Variants in FAM219A observed in about 807,000 individuals in gnomAD.
The protein encoded by FAM219A is protein FAM219A.
In FAM219A, 7 loss-of-function variants were observed where a neutral mutation model predicts 23.4. That is an observed-to-expected ratio of 0.30 (90% confidence interval 0.17 to 0.56). The LOEUF (loss-of-function observed/expected upper bound fraction) is 0.56. FAM219A is among the 20% of genes least tolerant of loss of function. The pLI, the probability that FAM219A is intolerant of heterozygous loss-of-function variation, is 0.92. For missense variants in FAM219A, 166 were observed against 246.9 expected, an observed-to-expected ratio of 0.67 and a Z score of 2.20; for synonymous variants, 93 against 99.0, an observed-to-expected ratio of 0.94 and a Z score of 0.36.
chr9:34,441,533 T>C (rs1823173499), intron 1 of FAM219A, among the ~76,000 whole-genome samples: 1 of 151,994 alleles, frequency 6.6e-6, no homozygotes, highest in African/African-American at 2.4e-5. Context: ...TGGTACAGGA[T>C]AAGAGCAGTG....
At chr9:34,419,407 G>T (rs1320289948) in intron 1 of FAM219A, among the ~76,000 whole-genome samples, 1 of 152,160 alleles carries the variant, frequency 6.6e-6, no homozygotes, top group Non-Finnish European at 1.5e-5. Flanking sequence ...GGGCCCAGAG[G>T]ACAGGAAGAT....
At chr9:34,423,246 AT>A (rs1348107753) in intron 1 of FAM219A, among the ~76,000 whole-genome samples, 22 of 152,342 alleles carry the variant, frequency 1.4e-4, no homozygotes, top group African/African-American at 5.3e-4. Context: ...TTTTAATCAT[AT>A]GCTGAGTGCT....
chr9:34,441,019 C>A (rs1418117765), intron 1 of FAM219A, among the ~76,000 whole-genome samples: 1 of 152,052 alleles, frequency 6.6e-6, no homozygotes, highest in Non-Finnish European at 1.5e-5. Context: ...AGGCTTAATG[C>A]CACCACACCT....
chr9:34,418,378 A>T (rs1199870128), intron 1 of FAM219A, among the ~76,000 whole-genome samples: 1 of 152,194 alleles, frequency 6.6e-6, no homozygotes, highest in Admixed American at 6.5e-5. Context: ...GTCATAAAAA[A>T]TTCTTCATTT....
intron 1 of FAM219A, among the ~76,000 whole-genome samples, chr9:34,412,104 C>A (rs951671097): frequency 6.6e-6 from 1 of 152,008 alleles, no homozygotes; most frequent in African/African-American, 2.4e-5. Context: ...CAGGGAGTAA[C>A]ATGGTCAGAT....
intron 1 of FAM219A, among the ~76,000 whole-genome samples, chr9:34,409,043 A>C (rs897908601): frequency 2.0e-5 from 3 of 152,226 alleles, no homozygotes; most frequent in African/African-American, 7.2e-5. Flanking sequence ...CTTGAGGCCT[A>C]CTGGGCAGTT....
chr9:34,416,290 GGAAGGAAGGAAGGAAGGAAC>G (rs1433151037), intron 1 of FAM219A, among the ~76,000 whole-genome samples: 6 of 143,498 alleles, frequency 4.2e-5, no homozygotes, highest in African/African-American at 1.5e-4. Flanking sequence ...AAGGAAGGAA[GGAAGGAAGGAAGGAAGGAAC>G]GAAGGAAGGA....
intron 1 of FAM219A, chr9:34,406,473 C>T (rs932741275): frequency 2.0e-6 from 2 of 985,316 alleles, no homozygotes; most frequent in Non-Finnish European, 2.4e-6. Flanking sequence ...CCAAGCCACA[C>T]CAGCCTTCAA....
In FAM219A at chr9:34,457,445, C is replaced by G. The variant is rs1823785917; in HGVS notation, c.60+759G>C. The G allele has an allele frequency of 6.6e-6, 1 of 152,462 alleles. No individual in the cohort carries two copies. The highest frequency in any genetic ancestry group is 1.5e-5 in the Non-Finnish European group (1 of 68,142). The allele number at this position is 152,462 out of a possible 1,614,324, so 9.4% of individuals were successfully genotyped here. ...CGCGGACAGGCGGCAGGATCCGCGC[C>G]CAGCAAGGACTTCAGGCACGTAGGC... is the stretch of plus-strand genomic sequence containing the variant. On this transcript the variant is annotated intron_variant, in intron 1 of 5. Transcript: ENST00000651358. This position sits in a 1 kb window ranked among gnomAD's most constrained non-coding sequence, Gnocchi z 5.1.
Position 34,400,937 on chromosome 9 carries a change from C to A in FAM219A, c.*27G>T, listed in dbSNP as rs1821399450. The A allele has an allele frequency of 6.6e-7, 1 of 1,509,252 alleles. No individual in the cohort carries two copies. Among genetic ancestry groups the A allele is most frequent in the African/African-American group, 1.4e-5 (1 of 70,914 alleles). The allele number at this position is 1,509,252 out of a possible 1,614,324, so 93.5% of individuals were successfully genotyped here. On this transcript the variant is annotated 3_prime_UTR_variant, in exon 6 of 6. Transcript: ENST00000651358. ...TCCTACCCGGCCCTTGGCGGCCCCG[C>A]CCCGGCGACCGCAGTGGCCCCGCCC...
chr9:34,422,691 A>T (rs1428372886), intron 1 of FAM219A, among the ~76,000 whole-genome samples: 1 of 152,208 alleles, frequency 6.6e-6, no homozygotes, highest in African/African-American at 2.4e-5. Context: ...GGAGAGAGAG[A>T]CTGGCAGGAA....
At chr9:34,441,214 C>T (rs979445371) in intron 1 of FAM219A, among the ~76,000 whole-genome samples, 1 of 152,234 alleles carries the variant, frequency 6.6e-6, no homozygotes, top group African/African-American at 2.4e-5. Flanking sequence ...TAAGACCCTC[C>T]TCAGCATAGA....
chr9:34,442,235 T>C (rs1209855558), intron 1 of FAM219A, among the ~76,000 whole-genome samples: 1 of 152,194 alleles, frequency 6.6e-6, no homozygotes, highest in South Asian at 2.1e-4. Flanking sequence ...GGAGACAGAA[T>C]AGGATAAAAA....
At chr9:34,437,708 T>C (rs926139373) in intron 1 of FAM219A, among the ~76,000 whole-genome samples, 11 of 152,238 alleles carry the variant, frequency 7.2e-5, no homozygotes, top group African/African-American at 1.2e-4. Flanking sequence ...AATGAAACAC[T>C]GTGTGTCTGG....
intron 1 of FAM219A, among the ~76,000 whole-genome samples, chr9:34,455,178 A>G (rs1442236563): frequency 6.6e-6 from 1 of 152,080 alleles, no homozygotes; most frequent in East Asian, 1.9e-4. Context: ...TATTTGGTAA[A>G]CCAATTGCTG....
At chr9:34,428,823 T>C (rs1822584294) in intron 1 of FAM219A, among the ~76,000 whole-genome samples, 1 of 152,186 alleles carries the variant, frequency 6.6e-6, no homozygotes, top group Non-Finnish European at 1.5e-5. Flanking sequence ...TTCTCCAGGC[T>C]TCCTTGTGCA....
rs1564003907 is a variant in FAM219A, at chr9:34,416,816, T to TTG, written c.61-10853_61-10852insCA. Among the ~76,000 whole-genome samples the TTG allele has an allele frequency of 1.3e-4, 20 of 150,594 alleles. No individual in the cohort carries two copies. In the East Asian group the frequency reaches 3.9e-3, roughly 29 times the overall value. Reference sequence around the variant, plus strand: ...AACATAATCAGCTCTCCATTTTTTTTTTTTTTTTTTTTTTAAATAGAGGCA... The same window carrying TTG: ...AACATAATCAGCTCTCCATTTTTTTTTGTTTTTTTTTTTTTTAAATAGAGGCA... On this transcript the variant is annotated intron_variant, in intron 1 of 5. Coordinates refer to ENST00000651358, the MANE Select transcript of FAM219A (RefSeq NM_001184940.2).
intron 1 of FAM219A, among the ~76,000 whole-genome samples, chr9:34,413,974 T>C (rs1254378409): frequency 1.3e-5 from 2 of 152,252 alleles, no homozygotes; most frequent in Non-Finnish European, 1.5e-5. Flanking sequence ...GTGGTCTTCC[T>C]GTTCAGGGCT....
chr9:34,450,132 C>T (rs1823508761), intron 1 of FAM219A, among the ~76,000 whole-genome samples: 1 of 151,834 alleles, frequency 6.6e-6, no homozygotes, highest in South Asian at 2.1e-4. Flanking sequence ...GGCAACATGG[C>T]GAAACCCCTT....
Sources: allele counts gnomAD v4.1 joint callset (sites outside exome capture counted in the v4.1 genomes callset), GRCh38; gene constraint gnomAD v4.1.1; non-coding constraint Gnocchi (gnomAD v3.1); transcripts MANE v1.5; gene names NCBI Gene and HGNC (gene_info 2026-07-23, HGNC 2026-07-21).